Variants in STK39 observed in about 807,000 individuals in gnomAD.
STK39 encodes serine/threonine kinase 39, also known as STE20/SPS1-related proline-alanine-rich protein kinase.
Under a neutral mutation model 77.8 loss-of-function variants are expected in STK39, and 20 were observed. That is an observed-to-expected ratio of 0.26 (90% CI 0.18 to 0.37). The LOEUF is 0.37. Ranked by LOEUF, STK39 falls within the 10% of genes least tolerant of loss-of-function variation. The pLI, the probability that STK39 is intolerant of heterozygous loss-of-function variation, is 1.00. For missense variants in STK39, 479 were observed against 656.5 expected (o/e 0.73, Z 2.95); for synonymous variants, 246 against 234.1 (o/e 1.05, Z -0.47).
intron 5 of STK39, among the ~76,000 whole-genome samples, chr2:168,158,356 A>G (rs2105576485): frequency 6.6e-6 from 1 of 152,278 alleles, no homozygotes; most frequent in South Asian, 2.1e-4. Flanking sequence ...GTGTGGTGTC[A>G]TTATTGAGCT....
intron 16 of STK39, among the ~76,000 whole-genome samples, chr2:167,970,622 A>G (rs1692309048): frequency 6.6e-6 from 1 of 152,246 alleles, no homozygotes; most frequent in African/African-American, 2.4e-5. Context: ...CTGTTAAAGC[A>G]AAGTAAATAC....
At chr2:168,140,860 G>A (rs966103897) in intron 5 of STK39, 102 bp from the exon 6 acceptor site, 6 of 936,268 alleles carry the variant, frequency 6.4e-6, no homozygotes, top group Non-Finnish European at 9.5e-6. Flanking sequence ...TTACAGTGGT[G>A]ATGAACTATT....
At chr2:168,063,639 C>A in intron 13 of STK39, 69 bp from the exon 14 acceptor site, 1 of 1,392,402 alleles carries the variant, frequency 7.2e-7, no homozygotes, top group South Asian at 1.3e-5. Flanking sequence ...ATCACAATAT[C>A]ACTTGATTCA....
chr2:168,028,823 A>C (rs11685807), intron 14 of STK39, among the ~76,000 whole-genome samples: 116,077 of 152,062 alleles, frequency 0.76, 44,443 homozygotes, highest in African/African-American at 0.78. Context: ...CACGCTAAGT[A>C]CTTTCTAACA....
chr2:168,151,069 C>T (rs1688267869), intron 5 of STK39, among the ~76,000 whole-genome samples: 1 of 152,118 alleles, frequency 6.6e-6, no homozygotes, highest in Non-Finnish European at 1.5e-5. Context: ...AAGTCATTCA[C>T]AGTCAAAAAA....
In STK39 at chr2:168,034,236, G is replaced by A. The variant is rs544884260; in HGVS notation, c.1377-17141C>T. On this transcript the variant is annotated intron_variant, in intron 14 of 17. Transcript: ENST00000355999. Reference sequence around the variant, plus strand: ...GAGGTGGAGACTGACACTCTGGCTTGGGGTTTGAAACAAAGAGACTGGGAT... The same window carrying A: ...GAGGTGGAGACTGACACTCTGGCTTAGGGTTTGAAACAAAGAGACTGGGAT... Among the ~76,000 whole-genome samples the A allele has an allele frequency of 4.7e-4, 72 of 152,286 alleles. 1 individual carries two copies. The highest frequency in any genetic ancestry group is 1.7e-3 in the African/African-American group (69 of 41,564).
At chr2:168,060,911 C>A (rs1193489084) in intron 14 of STK39, among the ~76,000 whole-genome samples, 3 of 151,366 alleles carry the variant, frequency 2.0e-5, no homozygotes, top group African/African-American at 7.4e-5. Context: ...CTACTGAACA[C>A]CTTAATCAAT....
At chr2:167,996,009 G>A (rs1189979289) in intron 16 of STK39, among the ~76,000 whole-genome samples, 1 of 152,176 alleles carries the variant, frequency 6.6e-6, no homozygotes, top group Non-Finnish European at 1.5e-5. Context: ...AAGGGAATTT[G>A]TATTTTCATC....
chr2:168,113,600 C>T (rs976223713), intron 10 of STK39, among the ~76,000 whole-genome samples: 3 of 152,172 alleles, frequency 2.0e-5, no homozygotes, highest in African/African-American at 7.2e-5. Context: ...GCAGGACTAC[C>T]AGATTTTTCT....
intron 14 of STK39, among the ~76,000 whole-genome samples, chr2:168,055,754 T>C (rs1685507736): frequency 6.6e-6 from 1 of 152,254 alleles, no homozygotes; most frequent in African/African-American, 2.4e-5. Flanking sequence ...CTGAGCCTGA[T>C]TCTAATAAAC....
intron 1 of STK39, among the ~76,000 whole-genome samples, chr2:168,237,774 C>G (rs541552955): frequency 1.3e-5 from 2 of 152,080 alleles, no homozygotes; most frequent in South Asian, 4.2e-4. Flanking sequence ...TTCCTTTGGT[C>G]TCTTCTAAAA....
At chr2:168,078,289 G>C (rs990924834) in intron 10 of STK39, among the ~76,000 whole-genome samples, 3 of 151,328 alleles carry the variant, frequency 2.0e-5, no homozygotes, top group Non-Finnish European at 4.4e-5. Context: ...CTGATTCCAA[G>C]AAAAGAAGGC....
At position 168,008,146 on chromosome 2, in the gene STK39, C is replaced by T. The variant is rs113422154; in HGVS notation, c.1498+4488G>A. ...ATATAAAGAATCACACCATATGTGG[C>T]CTTTTGCATCTGATTTACTTTACCT... On this transcript the variant is annotated intron_variant, in intron 16 of 17. Transcript: ENST00000355999. Among the ~76,000 whole-genome samples, 341 of 152,196 alleles carry T rather than the reference C, an allele frequency of 2.2e-3. 1 individual carries two copies. Among genetic ancestry groups the T allele is most frequent in the African/African-American group, 7.8e-3 (323 of 41,530 alleles).
At chr2:168,034,708 G>A (rs949256333) in intron 14 of STK39, among the ~76,000 whole-genome samples, 12 of 152,298 alleles carry the variant, frequency 7.9e-5, no homozygotes, top group African/African-American at 2.9e-4. Context: ...GATCGGTCAC[G>A]CAGAAACGCT....
chr2:168,229,841 C>A (rs1045642704), intron 1 of STK39, among the ~76,000 whole-genome samples: 4 of 152,186 alleles, frequency 2.6e-5, no homozygotes, highest in African/African-American at 4.8e-5. Flanking sequence ...GCATTACACA[C>A]ACACACCCTC....
At chr2:167,972,218 T>A (rs528887678) in intron 16 of STK39, among the ~76,000 whole-genome samples, 1 of 152,314 alleles carries the variant, frequency 6.6e-6, no homozygotes, top group East Asian at 1.9e-4. Flanking sequence ...CTGTGCAAAC[T>A]GGTTTAATGA....
At chr2:168,226,981 T>C (rs756519884) in intron 1 of STK39, among the ~76,000 whole-genome samples, 3 of 152,134 alleles carry the variant, frequency 2.0e-5, no homozygotes, top group Non-Finnish European at 4.4e-5. Flanking sequence ...TTAAAGGAGG[T>C]GGATCTCTGA....
intron 10 of STK39, among the ~76,000 whole-genome samples, chr2:168,101,777 C>G (rs761691954): frequency 8.5e-5 from 13 of 152,084 alleles, no homozygotes; most frequent in Non-Finnish European, 1.6e-4. Context: ...AAAATATATA[C>G]ATTTTTATTG....
At chr2:168,059,973 C>T (rs972328493) in intron 14 of STK39, among the ~76,000 whole-genome samples, 1 of 152,046 alleles carries the variant, frequency 6.6e-6, no homozygotes, top group Non-Finnish European at 1.5e-5. Flanking sequence ...TGGAACAATG[C>T]CATGTACATA....
Sources: allele counts gnomAD v4.1 joint callset (sites outside exome capture counted in the v4.1 genomes callset), GRCh38; gene constraint gnomAD v4.1.1; transcripts MANE v1.5; gene names NCBI Gene and HGNC (gene_info 2026-07-23, HGNC 2026-07-21).